Variants in PLD2 observed in about 807,000 individuals in gnomAD.
PLD2 encodes phospholipase D2.
In PLD2, 101 loss-of-function variants were observed where a neutral mutation model predicts 119.8. That is an observed-to-expected ratio of 0.84 (90% CI 0.72 to 0.99). PLD2 has a LOEUF of 0.99. Ranked by LOEUF, PLD2 falls within the 50% of genes least tolerant of loss-of-function variation. The pLI is 0.00. For synonymous variants in PLD2, 494 were observed against 482.8 expected, an observed-to-expected ratio of 1.02 and a Z score of -0.30; for missense variants, 1,164 against 1,226.8, an observed-to-expected ratio of 0.95 and a Z score of 0.76.
In PLD2 at chr17:4,807,739, G is replaced by A; in HGVS notation, c.-1-33G>A. On this transcript the variant is annotated intron_variant, in intron 1 of 24. Transcript: ENST00000263088. The surrounding 1 kb of genome is among the most constrained non-coding windows in gnomAD (Gnocchi z 5.4). Reference sequence around the variant, plus strand: ...GATGGGGGGCGGGTTCTGCAGGACAGCTCGCCTCCCTGAGGCTTCCCAATG... The same window carrying A: ...GATGGGGGGCGGGTTCTGCAGGACAACTCGCCTCCCTGAGGCTTCCCAATG... 1 of 1,251,842 alleles carries A rather than the reference G, an allele frequency of 8.0e-7. No individual in the cohort carries two copies. The highest frequency in any genetic ancestry group is 1.5e-5 in the African/African-American group (1 of 67,954). 77.5% of individuals were successfully genotyped at this position (1,251,842 alleles called of 1,614,324 possible).
chr17:4,820,126 T>C (rs377226614), intron 23 of PLD2, among the ~76,000 whole-genome samples: 12 of 150,356 alleles, frequency 8.0e-5, no homozygotes, highest in Middle Eastern at 3.5e-3. Context: ...GTATTTTTAG[T>C]AGAGATGGGG....
chr17:4,810,073 C>A (rs1906303460), intron 9 of PLD2, 44 bp downstream of exon 9: 2 of 1,594,554 alleles, frequency 1.3e-6, no homozygotes, highest in South Asian at 1.1e-5. Context: ...AGTGGTGAGC[C>A]CACCCACGGC....
rs1906071395 is a variant in PLD2, at chr17:4,808,206, A to G, written c.241-68A>G. On this transcript the variant is annotated intron_variant, in intron 3 of 24. Coordinates refer to ENST00000263088, the MANE Select transcript of PLD2 (RefSeq NM_002663.5). This position sits in a 1 kb window ranked among gnomAD's most constrained non-coding sequence, Gnocchi z 4.1. ...CTGGCCCCAGGGAAGGGGCAAAAGG[A>G]GGGCTGGCCAGAGTGGGGAGGCGGG... is the stretch of plus-strand genomic sequence containing the variant. The G allele has an allele frequency of 1.3e-6, 2 of 1,593,298 alleles. No individual in the cohort carries two copies. The highest frequency in any genetic ancestry group is 1.3e-5 in the African/African-American group (1 of 74,650).
intron 14 of PLD2, among the ~76,000 whole-genome samples, chr17:4,816,383 A>C (rs1490639452): frequency 1.4e-5 from 1 of 69,698 alleles, no homozygotes; most frequent in East Asian, 5.3e-4. Context: ...ACTCTGTCTC[A>C]AAAAAAAAAA....
rs577790207 is a variant in PLD2 at position 4,819,988 on chromosome 17, C to T, written c.2462+406C>T. ...TGAGACGGAGTTTTGCTCTTGTTGC[C>T]CAGGCTGGAGTGCAATGGCGAGATC... On this transcript the variant is annotated intron_variant, in intron 23 of 24. Transcript: ENST00000263088. This position sits in a 1 kb window ranked among gnomAD's most constrained non-coding sequence, Gnocchi z 4.2. Among the ~76,000 whole-genome samples, 2 of 152,208 alleles carry T rather than the reference C, an allele frequency of 1.3e-5. No homozygotes were observed. The highest frequency in any genetic ancestry group is 3.9e-4 in the East Asian group (2 of 5,174).
Position 4,815,558 on chromosome 17 carries a change from C to G in PLD2, c.1256C>G (p.Ala419Gly). Residue 419 changes from alanine to glycine, a missense_variant, in exon 13 of 25, where the codon GCG becomes GGG. Physicochemically the swap from Ala to Gly is moderately conservative, Grantham distance 60. Coordinates refer to ENST00000263088, the MANE Select transcript of PLD2 (RefSeq NM_002663.5). ...LGINSGYSKR[A>G]LMLLHPNIKV... is the part of the protein sequence containing the mutation. Reference sequence around the variant, plus strand: ...ATCAACAGTGGCTATAGCAAGAGGGCGCTGATGCTGCTGCACCCCAACATA... The same window carrying G: ...ATCAACAGTGGCTATAGCAAGAGGGGGCTGATGCTGCTGCACCCCAACATA... 1 of 1,613,000 alleles carries G rather than the reference C, an allele frequency of 6.2e-7. No individual in the cohort carries two copies. Among genetic ancestry groups the G allele is most frequent in the Non-Finnish European group, 8.5e-7 (1 of 1,179,136 alleles).
intron 10 of PLD2, 140 bp downstream of exon 10, chr17:4,811,091 G>T: frequency 1.3e-6 from 1 of 795,950 alleles, no homozygotes; most frequent in Non-Finnish European, 1.9e-6. Context: ...TAATCTTCCT[G>T]ACCTTTGACA....
rs1567537868 is a variant in PLD2 at position 4,821,926 on chromosome 17, T to A, written c.2577+19T>A. ...TGAGCAGGTGGGAACTTGGGAGGGGTGGGGGAGAGTGGCCTGGGGAAATTT... is the reference window on the plus strand; with the variant it reads ...TGAGCAGGTGGGAACTTGGGAGGGGAGGGGGAGAGTGGCCTGGGGAAATTT... On this transcript the variant is annotated intron_variant, in intron 24 of 24. Coordinates refer to ENST00000263088, the MANE Select transcript of PLD2 (RefSeq NM_002663.5). The A allele has an allele frequency of 1.3e-6, 2 of 1,499,146 alleles. No homozygotes were observed. The highest frequency in any genetic ancestry group is 3.5e-4 in the Middle Eastern group (2 of 5,788). The allele number at this position is 1,499,146 out of a possible 1,614,324, so 92.9% of individuals were successfully genotyped here.
chr17:4,812,317 A>T lies in PLD2; in HGVS notation c.1010+1366A>T, dbSNP rs1312431840. Among the ~76,000 whole-genome samples, 18 of 127,338 alleles carry T rather than the reference A, an allele frequency of 1.4e-4. No homozygotes were observed. In the East Asian group the frequency reaches 4.4e-3, roughly 31 times the overall value. The allele number at this position is 127,338 out of a possible 152,430, so 83.5% of individuals were successfully genotyped here. ...TTGGTTTTTTTTTTTTTTTTTTGAGATGGAGTCTGTCTCTGTCACCAGGCT... is the reference window on the plus strand; with the variant it reads ...TTGGTTTTTTTTTTTTTTTTTTGAGTTGGAGTCTGTCTCTGTCACCAGGCT... On this transcript the variant is annotated intron_variant, in intron 10 of 24. Coordinates refer to ENST00000263088, the MANE Select transcript of PLD2 (RefSeq NM_002663.5).
rs988919796 is a variant in PLD2 at position 4,808,553 on chromosome 17, G to C, written c.383+137G>C. On this transcript the variant is annotated intron_variant, in intron 4 of 24. Transcript: ENST00000263088. This position sits in a 1 kb window ranked among gnomAD's most constrained non-coding sequence, Gnocchi z 4.1. The stretch of plus-strand genomic sequence containing the variant: ...TGCCTCCCCTGACCCCAGTTACCAG[G>C]AAACTTTCCCTGCTCAGCTTTCCCT... 1.2e-6 allele frequency: 1 copy of C among 810,124 alleles called. No homozygotes were observed. Among genetic ancestry groups the C allele is most frequent in the Admixed American group, 2.4e-5 (1 of 42,010 alleles). 50.2% of individuals were successfully genotyped at this position (810,124 alleles called of 1,614,324 possible).
At chr17:4,811,893 C>CA (rs2031685290) in intron 10 of PLD2, among the ~76,000 whole-genome samples, 1 of 152,050 alleles carries the variant, frequency 6.6e-6, no homozygotes, top group Non-Finnish European at 1.5e-5. Context: ...TGGCTCACGG[C>CA]AACTTCAACC....
chr17:4,818,425 G>T, intron 19 of PLD2, 40 bp downstream of exon 19: 1 of 1,609,528 alleles, frequency 6.2e-7, no homozygotes, highest in Middle Eastern at 1.7e-4. Context: ...TGTGGGTGTG[G>T]TTTGAGCCCG....
Position 4,814,498 on chromosome 17 carries a change from G to C in PLD2, c.1091G>C (p.Trp364Ser), listed in dbSNP as rs200410286. The change falls in exon 11 of 25, where the codon TGG becomes TCG. Residue 364 changes from tryptophan to serine, a missense_variant. Coordinates refer to ENST00000263088, the MANE Select transcript of PLD2 (RefSeq NM_002663.5). ...CAAGAGGAGATTTTCATCACAGACT[G>C]GTGGTGAGTGGGAAAAGGCCCCAAC... is the stretch of plus-strand genomic sequence containing the variant. ...RAQEEIFITD[W>S]WLSPEVYLKR... The C allele has an allele frequency of 2.5e-6, 4 of 1,613,226 alleles. No individual in the cohort carries two copies. Among genetic ancestry groups the C allele is most frequent in the Middle Eastern group, 1.7e-4 (1 of 6,054 alleles).
rs1484711531 is a variant in PLD2 at position 4,818,495 on chromosome 17, C to T, written c.2011C>T (p.Gln671Ter). The change falls in exon 20 of 25, where the codon CAG (glutamine) becomes TAG (stop). Residue 671 changes from glutamine (Q) to a stop codon, truncating the protein, a stop_gained and splice_region_variant. Coordinates refer to ENST00000263088, the MANE Select transcript of PLD2 (RefSeq NM_002663.5). LOFTEE classifies it high-confidence loss of function. ...IVDRILKAHKQGWCYRVYVLL... is the reference protein window; with the variant it reads ...IVDRILKAHK ...CCTCTGACTCCACCCCCTCCCCAGA[C>T]AGGGGTGGTGTTACCGAGTCTACGT... is the stretch of plus-strand genomic sequence containing the variant. The T allele has an allele frequency of 1.2e-6, 2 of 1,611,202 alleles. No individual in the cohort carries two copies. The highest frequency in any genetic ancestry group is 8.5e-7 in the Non-Finnish European group (1 of 1,177,354).
At chr17:4,813,553 A>G (rs1466444312) in intron 10 of PLD2, among the ~76,000 whole-genome samples, 2 of 152,182 alleles carry the variant, frequency 1.3e-5, no homozygotes, top group East Asian at 3.9e-4. Context: ...TAAAGGGTAT[A>G]TGCATTTAAT....
Position 4,822,655 on chromosome 17 carries a change from C to A in PLD2, c.2593C>A (p.Pro865Thr). The A allele has an allele frequency of 6.2e-7, 1 of 1,607,282 alleles. No individual in the cohort carries two copies. The highest frequency in any genetic ancestry group is 8.5e-7 in the Non-Finnish European group (1 of 1,175,036). The change falls in exon 25 of 25, where the codon CCA becomes ACA. Residue 865 changes from proline (P) to threonine (T), a missense_variant. Physicochemically the swap from Pro to Thr is conservative, Grantham distance 38. Coordinates refer to ENST00000263088, the MANE Select transcript of PLD2 (RefSeq NM_002663.5). The part of the protein sequence containing the change: ...NIYEQIFRCL[P>T]SNATRSLRTL... ...CCGCCCACAGATCTTCCGCTGCCTGCCATCCAATGCCACGCGTTCCCTGCG... is the reference window on the plus strand; with the variant it reads ...CCGCCCACAGATCTTCCGCTGCCTGACATCCAATGCCACGCGTTCCCTGCG...
In PLD2 at chr17:4,817,002, C is replaced by T; in HGVS notation, c.1648C>T (p.Leu550=). 1.9e-6 allele frequency: 3 copies of T among 1,614,066 alleles called. No homozygotes were observed. The highest frequency in any genetic ancestry group is 2.5e-6 in the Non-Finnish European group (3 of 1,179,956). The change falls in exon 16 of 25, where the codon CTA becomes TTA. Residue 550 remains leucine (L), a synonymous_variant. Transcript: ENST00000263088. ...WRDVGVVVHG[L]PARDLARHFI... is the part of the protein sequence containing the mutation. ...GGACGTTGGGGTGGTCGTCCATGGC[C>T]TACCGGCCCGGGACCTTGCCCGGCA...
Position 4,807,677 on chromosome 17 carries a change from G to A in PLD2, c.-1-95G>A, listed in dbSNP as rs1906004778. The A allele has an allele frequency of 6.9e-6, 5 of 720,068 alleles. No individual in the cohort carries two copies. The East Asian group carries it at 1.3e-4, about 18-fold the overall frequency. 44.6% of individuals were successfully genotyped at this position (720,068 alleles called of 1,614,324 possible). ...CGGTCAGGAGGCCGTGGGGGAAGAG[G>A]AGGATCTGGAAGAGATGGAGGACCT... On this transcript the variant is annotated intron_variant, in intron 1 of 24. Transcript: ENST00000263088. This position sits in a 1 kb window ranked among gnomAD's most constrained non-coding sequence, Gnocchi z 5.4.
At chr17:4,809,624 C>T (rs1906229203) in intron 7 of PLD2, 67 bp from the exon 8 acceptor site, 2 of 1,607,762 alleles carry the variant, frequency 1.2e-6, no homozygotes, top group Non-Finnish European at 1.7e-6. Context: ...GAGATTGGGG[C>T]AAGCAGTGCA....
Sources: gnomAD v4.1 joint callset for allele counts (sites outside exome capture counted in the v4.1 genomes callset) on GRCh38, gnomAD v4.1.1 for gene constraint, Gnocchi (gnomAD v3.1) non-coding constraint, MANE v1.5 for transcripts, NCBI Gene and HGNC (gene_info 2026-07-23, HGNC 2026-07-21) for gene names.